MGA: variants seen among roughly 807,000 people sequenced by gnomAD.
MGA encodes MAX dimerization protein MGA, also known as MAX gene-associated protein.
In MGA, 40 loss-of-function variants were observed where a neutral mutation model predicts 261.1. That is an observed-to-expected ratio of 0.15 (90% confidence interval 0.12 to 0.20). The LOEUF (loss-of-function observed/expected upper bound fraction) is 0.20, where lower values mean the gene tolerates loss of function less well. Ranked by LOEUF, MGA falls within the 10% of genes least tolerant of loss-of-function variation. MGA has a pLI of 1.00. For missense variants in MGA, 3,397 were observed against 3,630.5 expected (o/e 0.94, Z 1.65); for synonymous variants, 1,302 against 1,290.6 (o/e 1.01, Z -0.19).
intron 2 of MGA, chr15:41,691,698 A>T (rs1358376198): frequency 1.1e-5 from 5 of 450,616 alleles, no homozygotes; most frequent in African/African-American, 8.1e-5. Context: ...GGTATAGAAC[A>T]TTAGTTTTTC....
intron 9 of MGA, chr15:41,718,582 C>T (rs1032907444): frequency 2.7e-5 from 10 of 368,108 alleles, no homozygotes; most frequent in East Asian, 7.6e-5. Context: ...AACTGCTTCT[C>T]GAAGTGAGCA....
chr15:41,761,367 C>T (rs1307257075), intron 20 of MGA, among the ~76,000 whole-genome samples: 2 of 152,166 alleles, frequency 1.3e-5, no homozygotes. Context: ...ACAGGATAAG[C>T]ATTCATATCC....
intron 15 of MGA, among the ~76,000 whole-genome samples, chr15:41,745,470 C>G (rs755073232): frequency 3.3e-5 from 5 of 149,812 alleles, no homozygotes; most frequent in Non-Finnish European, 7.4e-5. Context: ...AAGAAGAAAG[C>G]TAGAAAATAC....
At chr15:41,720,158 T>G (rs2060863225) in intron 9 of MGA, among the ~76,000 whole-genome samples, 1 of 152,192 alleles carries the variant, frequency 6.6e-6, no homozygotes, top group Non-Finnish European at 1.5e-5. Context: ...AAGGATTTTA[T>G]TGTATGTCAA....
Position 41,766,982 on chromosome 15 carries a change from T to G in MGA, c.8900T>G (p.Leu2967Arg). The G allele has an allele frequency of 6.2e-7, 1 of 1,613,996 alleles. No individual in the cohort carries two copies. The highest frequency in any genetic ancestry group is 8.5e-7 in the Non-Finnish European group (1 of 1,179,884). ...GAAAGTGTGTCCTCACCCCCCACCC[T>G]ACACATGAAGACTGGCTTGGAGAAC... The change falls in exon 24 of 24, where the codon CTA becomes CGA. Residue 2967 changes from leucine to arginine, a missense_variant. By Grantham distance (102) the Leu-to-Arg change is moderately radical. Around this residue, in one of 9 missense-constraint regions of MGA, gnomAD observed 647 missense variants for 642.4 expected, o/e 1.01. Transcript: ENST00000219905.
chr15:41,676,163 T>TA (rs889595114), intron 2 of MGA, among the ~76,000 whole-genome samples: 1 of 152,218 alleles, frequency 6.6e-6, no homozygotes, highest in African/African-American at 2.4e-5. Flanking sequence ...ATGACATTAT[T>TA]ATAGAGAGAG....
intron 7 of MGA, among the ~76,000 whole-genome samples, chr15:41,709,545 A>G (rs929384795): frequency 6.6e-6 from 1 of 151,808 alleles, no homozygotes; most frequent in Non-Finnish European, 1.5e-5. Flanking sequence ...CCTGGGCTCA[A>G]GTGATTCTCC....
chr15:41,737,057 G>C (rs950749656), intron 13 of MGA, among the ~76,000 whole-genome samples: 21 of 152,144 alleles, frequency 1.4e-4, no homozygotes, highest in African/African-American at 7.2e-5. Flanking sequence ...TTAGCAGATA[G>C]GTTTCAAAAC....
intron 9 of MGA, among the ~76,000 whole-genome samples, chr15:41,719,507 G>A (rs1440134585): frequency 2.6e-5 from 4 of 152,086 alleles, no homozygotes; most frequent in East Asian, 3.9e-4. Flanking sequence ...TCAGGAGGCC[G>A]AGACTAGTGA....
At chr15:41,704,475 G>A (rs1220471264) in intron 5 of MGA, among the ~76,000 whole-genome samples, 2 of 152,190 alleles carry the variant, frequency 1.3e-5, no homozygotes, top group Non-Finnish European at 2.9e-5. Context: ...CTGGTAACAC[G>A]GTGAAACCCT....
At position 41,696,350 on chromosome 15, in the gene MGA, C is replaced by A. The variant is rs557266981; in HGVS notation, c.1340C>A (p.Pro447Gln). 1.9e-6 allele frequency: 3 copies of A among 1,613,932 alleles called. No individual in the cohort carries two copies. In the East Asian group the frequency reaches 6.7e-5, roughly 36 times the overall value. The change falls in exon 3 of 24, where the codon CCA (proline) becomes CAA (glutamine). Residue 447 changes from proline to glutamine, a missense_variant. Physicochemically the swap from Pro to Gln is moderately conservative, Grantham distance 76. Coordinates refer to ENST00000219905, the MANE Select transcript of MGA (RefSeq NM_001164273.2). ...GACCATCTATCTTCTAAATGGCTTC[C>A]AAGCAGCCCATCAGGTGTTGCTAAA...
chr15:41,668,851 G>A lies in MGA; in HGVS notation c.-44G>A. On this transcript the variant is annotated 5_prime_UTR_variant, in exon 2 of 24. The change creates a new upstream start codon in the 5' untranslated region. Coordinates refer to ENST00000219905, the MANE Select transcript of MGA (RefSeq NM_001164273.2). ...AGGATGGGAAGGCCATTGTGACTAT[G>A]TGGTGATTACAGTTGTCTTACTACT... 7.1e-7 allele frequency: 1 copy of A among 1,406,260 alleles called. No homozygotes were observed. 87.1% of individuals were successfully genotyped at this position (1,406,260 alleles called of 1,614,324 possible).
chr15:41,749,505 TC>T lies in MGA; in HGVS notation c.5899del (p.Gln1967ArgfsTer2). 1 of 1,613,876 alleles carries T rather than the reference TC, an allele frequency of 6.2e-7. No homozygotes were observed. The highest frequency in any genetic ancestry group is 8.5e-7 in the Non-Finnish European group (1 of 1,179,880). On this transcript the variant is annotated frameshift_variant, in exon 17 of 24. Coordinates refer to ENST00000219905, the MANE Select transcript of MGA (RefSeq NM_001164273.2). LOFTEE classifies it high-confidence loss of function. ...CCATTCTTCAGCATGTTGCTTCCCTTCAGATGAAGAGAGAATCTCAGAATCC... is the reference window on the plus strand; with the variant it reads ...CCATTCTTCAGCATGTTGCTTCCCTTAGATGAAGAGAGAATCTCAGAATCC...
In MGA at chr15:41,750,538, A is replaced by C; in HGVS notation, c.6931A>C (p.Lys2311Gln). 6.2e-7 allele frequency: 1 copy of C among 1,612,994 alleles called. No homozygotes were observed. Among genetic ancestry groups the C allele is most frequent in the Non-Finnish European group, 8.5e-7 (1 of 1,179,370 alleles). The change falls in exon 17 of 24, where the codon AAA becomes CAA. Residue 2311 changes from lysine to glutamine, a missense_variant. Physicochemically the swap from Lys to Gln is moderately conservative, Grantham distance 53. This residue lies in a region of MGA where 1,410 missense variants were observed against 1,386.4 expected (regional missense o/e 1.02). Coordinates refer to ENST00000219905, the MANE Select transcript of MGA (RefSeq NM_001164273.2). ...AGAAGATGATGAAGATGATAATGAG[A>C]AAACTGATGATTCTATTGATGAAAT... is the stretch of plus-strand genomic sequence containing the variant.
At chr15:41,643,845 G>A (rs976429762) in intron 1 of MGA, among the ~76,000 whole-genome samples, 2 of 151,376 alleles carry the variant, frequency 1.3e-5, no homozygotes, top group Non-Finnish European at 2.9e-5. Flanking sequence ...TGGGATTACA[G>A]GCATGAGCCA....
In MGA at chr15:41,707,781, T is replaced by C. The variant is rs1451034170; in HGVS notation, c.2242T>C (p.Leu748=). ...AACAATGAGCATTGATCTTAAATAC[T>C]TGGGAGTACAGTTACCTTTGGCTCC... Residue 748 remains leucine (L), a synonymous_variant, in exon 6 of 24, where the codon TTG becomes CTG. Coordinates refer to ENST00000219905, the MANE Select transcript of MGA (RefSeq NM_001164273.2). 6 of 1,613,692 alleles carry C rather than the reference T, an allele frequency of 3.7e-6. No individual in the cohort carries two copies. The highest frequency in any genetic ancestry group is 1.3e-5 in the African/African-American group (1 of 75,058).
In MGA at chr15:41,668,931, G is replaced by T. The variant is rs2057909228; in HGVS notation, c.37G>T (p.Asp13Tyr). The change falls in exon 2 of 24, where the codon GAT becomes TAT. Residue 13 changes from aspartate to tyrosine, a missense_variant. By Grantham distance (160) the Asp-to-Tyr change is radical (BLOSUM62 -3). Around this residue, in one of 9 missense-constraint regions of MGA, gnomAD observed 81 missense variants for 84.3 expected, o/e 0.96. Coordinates refer to ENST00000219905, the MANE Select transcript of MGA (RefSeq NM_001164273.2). ...ACAGCAGATTATATTGGCTAATCAA[G>T]ATGGTGGAACAGTGGCAGGAGCAGC... is the stretch of plus-strand genomic sequence containing the variant. The T allele has an allele frequency of 1.3e-6, 2 of 1,595,036 alleles. No individual in the cohort carries two copies. Among genetic ancestry groups the T allele is most frequent in the African/African-American group, 1.3e-5 (1 of 74,590 alleles).
chr15:41,702,322 CA>C (rs10713634), intron 5 of MGA, among the ~76,000 whole-genome samples: 94,215 of 127,606 alleles, frequency 0.74, 34,079 homozygotes, highest in East Asian at 0.88. Flanking sequence ...GACATTGTCT[CA>C]AAAAAAAAAA....
chr15:41,758,417 A>AG (rs1251454576), intron 19 of MGA, among the ~76,000 whole-genome samples: 6 of 152,086 alleles, frequency 3.9e-5, no homozygotes, highest in Admixed American at 2.6e-4. Flanking sequence ...GTTGGGTTGA[A>AG]GTAGAGGGTG....
Sources: gnomAD v4.1 joint callset for allele counts (sites outside exome capture counted in the v4.1 genomes callset) on GRCh38, gnomAD v4.1.1 for gene constraint, gnomAD v4.1.1 regional missense constraint, MANE v1.5 for transcripts, NCBI Gene and HGNC (gene_info 2026-07-23, HGNC 2026-07-21) for gene names.